CHST11: variants seen among roughly 807,000 people sequenced by gnomAD.
CHST11 encodes carbohydrate sulfotransferase 11.
CHST11 carries 9 observed loss-of-function variants against 30.4 expected under a neutral mutation model. The observed-to-expected ratio is 0.30, with a 90% confidence interval of 0.18 to 0.52. CHST11 has a LOEUF of 0.52. CHST11 is among the 20% of genes least tolerant of loss of function. CHST11 has a pLI of 0.97. For synonymous variants in CHST11, 152 were observed against 187.8 expected (o/e 0.81, Z 1.56); for missense variants, 348 against 460.6 (o/e 0.76, Z 2.24).
At chr12:104,471,371 C>G (rs910197097) in intron 1 of CHST11, among the ~76,000 whole-genome samples, 1 of 152,050 alleles carries the variant, frequency 6.6e-6, no homozygotes, top group Non-Finnish European at 1.5e-5. Flanking sequence ...TTTGGGATAG[C>G]GGGTATGGAA....
intron 2 of CHST11, among the ~76,000 whole-genome samples, chr12:104,678,098 T>A (rs2039759809): frequency 6.6e-6 from 1 of 152,370 alleles, no homozygotes; most frequent in East Asian, 1.9e-4. Context: ...CCATCAGAAG[T>A]GATCTTGCTC....
At chr12:104,518,257 A>G (rs1044644992) in intron 1 of CHST11, among the ~76,000 whole-genome samples, 1 of 152,202 alleles carries the variant, frequency 6.6e-6, no homozygotes, top group Non-Finnish European at 1.5e-5. Context: ...ACTGCACTTC[A>G]GCCTGGGTGA....
intron 2 of CHST11, among the ~76,000 whole-genome samples, chr12:104,648,988 C>T (rs1175672767): frequency 1.3e-5 from 2 of 152,184 alleles, no homozygotes; most frequent in East Asian, 1.9e-4. Context: ...TCAACCTCCC[C>T]TTCCTGCCTC....
intron 2 of CHST11, among the ~76,000 whole-genome samples, chr12:104,744,443 A>G (rs2040372831): frequency 1.3e-5 from 2 of 151,792 alleles, no homozygotes; most frequent in Admixed American, 1.3e-4. Context: ...CCACTTTTTT[A>G]TGGGGTTGTT....
chr12:104,550,956 T>G (rs2038398317), intron 1 of CHST11, among the ~76,000 whole-genome samples: 1 of 152,136 alleles, frequency 6.6e-6, no homozygotes, highest in African/African-American at 2.4e-5. Flanking sequence ...CTCACGTCTG[T>G]AATTTTTTTT....
chr12:104,704,724 G>C (rs1337760988), intron 2 of CHST11, among the ~76,000 whole-genome samples: 1 of 152,118 alleles, frequency 6.6e-6, no homozygotes, highest in African/African-American at 2.4e-5. Context: ...GATAGCCCCA[G>C]AACCCTGGCC....
chr12:104,504,367 T>G (rs979199703), intron 1 of CHST11, among the ~76,000 whole-genome samples: 70 of 152,224 alleles, frequency 4.6e-4, no homozygotes, highest in Admixed American at 3.7e-3. Context: ...GCATGTGTGT[T>G]AAGAAAACCA....
At chr12:104,547,177 C>T (rs1285878153) in intron 1 of CHST11, among the ~76,000 whole-genome samples, 2 of 152,128 alleles carry the variant, frequency 1.3e-5, no homozygotes, top group East Asian at 3.9e-4. Context: ...AGGTACAAAT[C>T]GTAAGATCTT....
At chr12:104,597,200 G>A (rs1206625579) in intron 1 of CHST11, among the ~76,000 whole-genome samples, 1 of 152,104 alleles carries the variant, frequency 6.6e-6, no homozygotes, top group Non-Finnish European at 1.5e-5. Context: ...AAACACGAGC[G>A]GCTTGAGTTT....
intron 2 of CHST11, among the ~76,000 whole-genome samples, chr12:104,632,907 C>T (rs1164034130): frequency 2.0e-5 from 3 of 152,232 alleles, no homozygotes; most frequent in African/African-American, 7.2e-5. Flanking sequence ...CAGCTGGCTG[C>T]GGTCCTCCCT....
chr12:104,664,947 G>A (rs1041648274), intron 2 of CHST11, among the ~76,000 whole-genome samples: 2 of 152,126 alleles, frequency 1.3e-5, no homozygotes, highest in African/African-American at 4.8e-5. Flanking sequence ...GGCAAACCTC[G>A]AGGGTTAATT....
chr12:104,722,196 T>TGTGTGTGTGTG (rs1555247521), intron 2 of CHST11, among the ~76,000 whole-genome samples: 3 of 75,012 alleles, frequency 4.0e-5, no homozygotes, highest in African/African-American at 2.4e-4. Context: ...GTGTATGAGA[T>TGTGTGTGTGTG]TTTACCATTG....
In CHST11 at chr12:104,483,657, T is replaced by C. The variant is rs191248440; in HGVS notation, c.118+26128T>C. The stretch of plus-strand genomic sequence containing the variant: ...ATGTTACCTGCATCTCTTTGGTTCC[T>C]GCTTTTGGAGAGTAAGGGGTACCTG... On this transcript the variant is annotated intron_variant, in intron 1 of 2. Coordinates refer to ENST00000303694, the MANE Select transcript of CHST11 (RefSeq NM_018413.6). Among the ~76,000 whole-genome samples the C allele has an allele frequency of 3.0e-3, 451 of 152,382 alleles. 2 individuals are homozygous for C. Among genetic ancestry groups the C allele is most frequent in the African/African-American group, 0.01 (425 of 41,596 alleles).
chr12:104,457,425 T>G lies in CHST11; in HGVS notation c.14T>G (p.Leu5Arg). Reference protein sequence around the residue: MKPALLEVMRMNRIC... With the variant: MKPARLEVMRMNRIC... ...CAGGACAAAGCCATGAAGCCAGCGC[T>G]GCTGGAAGTGATGAGGATGAACAGA... The change falls in exon 1 of 3, where the codon CTG (leucine) becomes CGG (arginine). Residue 5 changes from leucine (L) to arginine (R), a missense_variant. Around this residue, in one of 3 missense-constraint regions of CHST11, gnomAD observed 135 missense variants for 155.8 expected, o/e 0.87. Transcript: ENST00000303694. 1.9e-6 allele frequency: 3 copies of G among 1,612,970 alleles called. No individual in the cohort carries two copies. The South Asian group carries it at 3.3e-5, about 18-fold the overall frequency.
At chr12:104,744,936 T>C (rs1385241435) in intron 2 of CHST11, among the ~76,000 whole-genome samples, 1 of 152,074 alleles carries the variant, frequency 6.6e-6, no homozygotes, top group Admixed American at 6.6e-5. Flanking sequence ...TGCAATGGCA[T>C]GATCTCGGCT....
chr12:104,616,304 C>A (rs2136056890), intron 2 of CHST11, among the ~76,000 whole-genome samples: 1 of 152,286 alleles, frequency 6.6e-6, no homozygotes, highest in South Asian at 2.1e-4. Context: ...TCCACCCAAT[C>A]AGTATTTTCT....
At chr12:104,748,447 G>T (rs1368817852) in intron 2 of CHST11, among the ~76,000 whole-genome samples, 2 of 152,036 alleles carry the variant, frequency 1.3e-5, no homozygotes, top group Admixed American at 6.6e-5. Flanking sequence ...ATGGGGGATT[G>T]AGGGAAAATG....
At position 104,759,064 on chromosome 12, in the gene CHST11, TCTA is replaced by T. The variant is rs1334540727; in HGVS notation, c.*1264_*1266del. ...ACATCCCCATGTAGAAGTGTTGTCT[TCTA>T]CTGCTTGCCACGTACAAGTGTGAAA... On this transcript the variant is annotated 3_prime_UTR_variant, in exon 3 of 3. Transcript: ENST00000303694. The T allele has an allele frequency of 2.0e-5, 3 of 152,176 alleles. No individual in the cohort carries two copies. Among genetic ancestry groups the T allele is most frequent in the Admixed American group, 2.0e-4 (3 of 15,286 alleles). 9.4% of individuals were successfully genotyped at this position (152,176 alleles called of 1,614,324 possible).
intron 1 of CHST11, among the ~76,000 whole-genome samples, chr12:104,525,105 T>TC (rs1285331294): frequency 8.7e-5 from 10 of 115,134 alleles, no homozygotes; most frequent in African/African-American, 3.5e-4. Context: ...CTTTTTTCTT[T>TC]CTTTTTTTTT....
Sources: allele counts gnomAD v4.1 joint callset (sites outside exome capture counted in the v4.1 genomes callset), GRCh38; gene constraint gnomAD v4.1.1; regional missense constraint gnomAD v4.1.1; transcripts MANE v1.5; gene names NCBI Gene and HGNC (gene_info 2026-07-23, HGNC 2026-07-21).